Variants in ZNF43 observed in about 807,000 individuals in gnomAD.
ZNF43 encodes zinc finger protein 43, also known as zinc finger protein 39-like 1 (KOX 27).
In ZNF43, 44 loss-of-function variants were observed where a neutral mutation model predicts 68.4. The ratio of observed to expected loss-of-function variants is 0.64; its 90% CI spans 0.51 to 0.83. The LOEUF (loss-of-function observed/expected upper bound fraction) is 0.83, where lower values mean the gene tolerates loss of function less well. ZNF43 is among the 40% of genes least tolerant of loss of function. The pLI is 0.00. For synonymous variants in ZNF43, 308 were observed against 307.8 expected, an observed-to-expected ratio of 1.00 and a Z score of -0.01; for missense variants, 896 against 933.2, an observed-to-expected ratio of 0.96 and a Z score of 0.52.
At chr19:21,816,510 C>T (rs1007774932) in intron 3 of ZNF43, among the ~76,000 whole-genome samples, 8 of 152,186 alleles carry the variant, frequency 5.3e-5, no homozygotes, top group African/African-American at 1.4e-4. Flanking sequence ...CTTGGTCCCA[C>T]AGAAAATTCT....
chr19:21,818,390 C>A (rs886514415), intron 2 of ZNF43, among the ~76,000 whole-genome samples: 1 of 151,880 alleles, frequency 6.6e-6, no homozygotes, highest in East Asian at 1.9e-4. Context: ...CATGAGCCAC[C>A]GTACCTGGCC....
In ZNF43 at chr19:21,805,047, A is replaced by T. The variant is rs1268120870; in HGVS notation, c.*2560T>A. 6.6e-6 allele frequency: 1 copy of T among 152,232 alleles called. No homozygotes were observed. The highest frequency in any genetic ancestry group is 1.5e-5 in the Non-Finnish European group (1 of 68,042). The allele number at this position is 152,232 out of a possible 1,614,324, so 9.4% of individuals were successfully genotyped here. A position where few individuals can be genotyped will look rare whatever the true frequency, so the allele number is the denominator to read the frequency against. ...CAATAACAATTTAATTGTACATTAA[A>T]ATAATGAAGTGTAGAATTGGCTTGT... On this transcript the variant is annotated 3_prime_UTR_variant, in exon 4 of 4. Coordinates refer to ENST00000354959, the MANE Select transcript of ZNF43 (RefSeq NM_003423.4).
intron 1 of ZNF43, among the ~76,000 whole-genome samples, chr19:21,830,916 C>T (rs2038395342): frequency 6.6e-6 from 1 of 152,104 alleles, no homozygotes. Flanking sequence ...GATCAAGTAG[C>T]CTATATCCCT....
At chr19:21,845,789 A>G (rs1967906209) in intron 1 of ZNF43, among the ~76,000 whole-genome samples, 1 of 151,742 alleles carries the variant, frequency 6.6e-6, no homozygotes, top group African/African-American at 2.4e-5. Context: ...GCTACTTAGG[A>G]GGCTGAGGCA....
At chr19:21,830,278 TG>T (rs1307775716) in intron 1 of ZNF43, among the ~76,000 whole-genome samples, 1 of 96,264 alleles carries the variant, frequency 1.0e-5, no homozygotes, top group Admixed American at 9.3e-5. Flanking sequence ...AAAAACAAAA[TG>T]AAAAAAAAAA....
rs559453475 is a variant in ZNF43, at chr19:21,832,452, C to T, written c.3+3584G>A. On this transcript the variant is annotated intron_variant, in intron 1 of 3. Transcript: ENST00000354959. ...AAACTTTGGAAGGTACCTAGGAAAT[C>T]ATTCTAGACATAAGAACCAGAAGAT... Among the ~76,000 whole-genome samples, 17 of 152,172 alleles carry T rather than the reference C, an allele frequency of 1.1e-4. No homozygotes were observed. The South Asian group carries it at 3.1e-3, about 28-fold the overall frequency.
chr19:21,823,734 A>AT (rs751895425), intron 1 of ZNF43, among the ~76,000 whole-genome samples: 166 of 151,908 alleles, frequency 1.1e-3, no homozygotes, highest in Non-Finnish European at 2.0e-3. Flanking sequence ...CACCTGGCTA[A>AT]TTTTTTTTGT....
At chr19:21,828,245 T>G (rs1447864388) in intron 1 of ZNF43, among the ~76,000 whole-genome samples, 1 of 152,196 alleles carries the variant, frequency 6.6e-6, no homozygotes, top group Non-Finnish European at 1.5e-5. Context: ...ATATTTCAGT[T>G]AAAACTACTT....
At chr19:21,850,983 A>G (rs1255551898) in intron 1 of ZNF43, 1 of 152,270 alleles carries the variant, frequency 6.6e-6, no homozygotes, top group South Asian at 2.1e-4. Context: ...ACACATGTCC[A>G]GGTTCCAGGT....
chr19:21,835,025 T>C (rs1599524641), intron 1 of ZNF43, among the ~76,000 whole-genome samples: 2 of 149,670 alleles, frequency 1.3e-5, no homozygotes, highest in South Asian at 4.2e-4. Context: ...GGCGGGTGGA[T>C]CATCTGAGCT....
At chr19:21,826,023 T>A (rs970749904) in intron 1 of ZNF43, among the ~76,000 whole-genome samples, 4 of 152,196 alleles carry the variant, frequency 2.6e-5, no homozygotes, top group Non-Finnish European at 5.9e-5. Flanking sequence ...CACTCCAGCC[T>A]GGGCAACAGA....
At chr19:21,836,732 G>A (rs2065888950), upstream of ZNF43, among the ~76,000 whole-genome samples, 1 of 152,108 alleles carries the variant, frequency 6.6e-6, no homozygotes, top group Non-Finnish European at 1.5e-5. Flanking sequence ...CCACTGGCAT[G>A]TGGCCCCATG....
upstream of ZNF43, chr19:21,839,055 G>A (rs528959856): frequency 6.6e-6 from 1 of 152,200 alleles, no homozygotes; most frequent in African/African-American, 2.4e-5. Context: ...CCACCCCCTA[G>A]ATGTTGGTCT....
chr19:21,825,015 C>G (rs896268973), intron 1 of ZNF43, among the ~76,000 whole-genome samples: 1 of 152,128 alleles, frequency 6.6e-6, no homozygotes, highest in Non-Finnish European at 1.5e-5. Flanking sequence ...GCAGCTGGAT[C>G]ACCTGAGGAC....
In ZNF43 at chr19:21,808,830, A is replaced by C; in HGVS notation, c.1207T>G (p.Cys403Gly). 1 of 1,613,356 alleles carries C rather than the reference A, an allele frequency of 6.2e-7. No individual in the cohort carries two copies. Among genetic ancestry groups the C allele is most frequent in the Admixed American group, 1.7e-5 (1 of 59,970 alleles). Residue 403 changes from cysteine to glycine, a missense_variant, in exon 4 of 4, where the codon TGT (cysteine) becomes GGT (glycine). Cys to Gly is a radical substitution (Grantham distance 159). Transcript: ENST00000354959. ...GAGGACCACTTAAAAGCTTTGCCAC[A>C]TTCTTCACATTTGTAGGGTTTCTTT... Reference protein sequence around the residue: ...TEKKPYKCEECGKAFKWSSKL... With the variant: ...TEKKPYKCEEGGKAFKWSSKL...
chr19:21,829,009 G>A (rs1428828931), intron 1 of ZNF43, among the ~76,000 whole-genome samples: 2 of 129,210 alleles, frequency 1.5e-5, no homozygotes, highest in African/African-American at 6.2e-5. Context: ...CTCCAGCCTG[G>A]GCGAAAGAGA....
intron 3 of ZNF43, among the ~76,000 whole-genome samples, chr19:21,817,480 T>C (rs2037586980): frequency 6.6e-6 from 1 of 151,890 alleles, no homozygotes; most frequent in South Asian, 2.1e-4. Flanking sequence ...TACAAAGAAA[T>C]CCAATGGAAC....
chr19:21,812,367 G>A (rs2037320890), intron 3 of ZNF43, among the ~76,000 whole-genome samples: 1 of 152,138 alleles, frequency 6.6e-6, no homozygotes, highest in African/African-American at 2.4e-5. Flanking sequence ...GCCCGCCTCA[G>A]CCTCCCAAAG....
At chr19:21,845,855 T>C (rs947237886) in intron 1 of ZNF43, among the ~76,000 whole-genome samples, 3 of 149,396 alleles carry the variant, frequency 2.0e-5, no homozygotes, top group African/African-American at 7.4e-5. Context: ...ATTATGCCAT[T>C]GCACTCCAGC....
Sources: allele counts gnomAD v4.1 joint callset (sites outside exome capture counted in the v4.1 genomes callset), GRCh38; gene constraint gnomAD v4.1.1; transcripts MANE v1.5; gene names NCBI Gene and HGNC (gene_info 2026-07-23, HGNC 2026-07-21).